Variants in CEMIP observed in about 807,000 individuals in gnomAD.
CEMIP encodes the protein cell migration inducing hyaluronidase 1.
A neutral mutation model predicts 156.9 loss-of-function variants in CEMIP; 105 were observed. The ratio of observed to expected loss-of-function variants is 0.67; its 90% CI spans 0.57 to 0.79. The LOEUF is 0.79. Among genes scored for constraint, CEMIP ranks in the 30% least tolerant of loss-of-function variants. The pLI is 0.00. For synonymous variants in CEMIP, 676 were observed against 668.4 expected, an observed-to-expected ratio of 1.01 and a Z score of -0.17; for missense variants, 1,457 against 1,769.4, an observed-to-expected ratio of 0.82 and a Z score of 3.17.
At chr15:80,909,594 G>A (rs1015721420) in intron 14 of CEMIP, 2 of 513,086 alleles carry the variant, frequency 3.9e-6, no homozygotes, top group Non-Finnish European at 7.6e-6. Context: ...CATGAAATCT[G>A]GAGATCATTC....
chr15:80,812,096 G>A (rs1896686116), intron 1 of CEMIP, among the ~76,000 whole-genome samples: 1 of 151,918 alleles, frequency 6.6e-6, no homozygotes, highest in Non-Finnish European at 1.5e-5. Flanking sequence ...ACACTACAGG[G>A]CTGAACTCCT....
chr15:80,840,205 G>A (rs191259455), intron 1 of CEMIP, among the ~76,000 whole-genome samples: 9 of 152,278 alleles, frequency 5.9e-5, no homozygotes, highest in African/African-American at 1.9e-4. Flanking sequence ...AGTCTTGAAG[G>A]GCAAGTGTGA....
intron 23 of CEMIP, among the ~76,000 whole-genome samples, chr15:80,935,250 T>A (rs1047083032): frequency 6.6e-6 from 1 of 152,166 alleles, no homozygotes; most frequent in South Asian, 2.1e-4. Context: ...AGGACAGTCA[T>A]GTCCTGAATA....
At chr15:80,877,117 G>A (rs1348965458) in intron 3 of CEMIP, among the ~76,000 whole-genome samples, 1 of 152,244 alleles carries the variant, frequency 6.6e-6, no homozygotes, top group East Asian at 1.9e-4. Flanking sequence ...ACCACCATGA[G>A]AACACTATGG....
chr15:80,877,430 G>A (rs1283652709), intron 3 of CEMIP, among the ~76,000 whole-genome samples: 12 of 152,200 alleles, frequency 7.9e-5, no homozygotes, highest in South Asian at 2.1e-4. Flanking sequence ...TTACCTGCAC[G>A]TCACCTTCCC....
intron 29 of CEMIP, chr15:80,948,483 G>T: frequency 2.4e-6 from 1 of 414,108 alleles, no homozygotes; most frequent in Middle Eastern, 7.7e-4. Context: ...CTCAAAGGTA[G>T]GCAGGTTCCT....
intron 24 of CEMIP, among the ~76,000 whole-genome samples, chr15:80,937,335 A>T (rs1433458081): frequency 6.6e-6 from 1 of 152,176 alleles, no homozygotes; most frequent in Non-Finnish European, 1.5e-5. Context: ...ATATATTTAG[A>T]TTCTAGTATT....
At position 80,909,083 on chromosome 15, in the gene CEMIP, T is replaced by C; in HGVS notation, c.1588-14T>C. 1 of 1,613,112 alleles carries C rather than the reference T, an allele frequency of 6.2e-7. No homozygotes were observed. Among genetic ancestry groups the C allele is most frequent in the Non-Finnish European group, 8.5e-7 (1 of 1,179,774 alleles). ...TCTCATGGGCTCCTCTGACTCTCGGTTCTCCTCTCCTAGTTTGCTCTGGGA... is the reference window on the plus strand; with the variant it reads ...TCTCATGGGCTCCTCTGACTCTCGGCTCTCCTCTCCTAGTTTGCTCTGGGA... On this transcript the variant is annotated splice_polypyrimidine_tract_variant and intron_variant, in intron 13 of 29. Transcript: ENST00000394685.
intron 1 of CEMIP, among the ~76,000 whole-genome samples, chr15:80,867,585 C>G (rs1898163948): frequency 6.6e-6 from 1 of 152,216 alleles, no homozygotes; most frequent in Admixed American, 6.5e-5. Context: ...CCTGGGGTCC[C>G]CGCACAGCAG....
intron 28 of CEMIP, among the ~76,000 whole-genome samples, chr15:80,945,704 T>C (rs12916361): frequency 0.054 from 8,293 of 152,284 alleles, 341 homozygotes; most frequent in Non-Finnish European, 0.081. Context: ...ATACAGTTTT[T>C]CCATGTCTGG....
At chr15:80,902,845 T>A (rs1236801037) in intron 12 of CEMIP, among the ~76,000 whole-genome samples, 1 of 152,170 alleles carries the variant, frequency 6.6e-6, no homozygotes, top group Non-Finnish European at 1.5e-5. Flanking sequence ...GCTGCAGGTG[T>A]CATTTCTGTT....
At chr15:80,874,022 G>A (rs148890922) in intron 3 of CEMIP, 49 bp downstream of exon 3, 34 of 1,499,924 alleles carry the variant, frequency 2.3e-5, no homozygotes, top group South Asian at 4.8e-5. Context: ...TGGAAGGCAC[G>A]GCCCCTCACT....
chr15:80,930,110 CTT>C (rs1320309015), intron 21 of CEMIP, among the ~76,000 whole-genome samples: 2 of 152,234 alleles, frequency 1.3e-5, no homozygotes, highest in Admixed American at 1.3e-4. Flanking sequence ...GCTTTCTACT[CTT>C]TCTCTAGGAA....
intron 1 of CEMIP, among the ~76,000 whole-genome samples, chr15:80,829,304 G>T (rs1419223217): frequency 2.0e-5 from 3 of 152,136 alleles, no homozygotes; most frequent in Non-Finnish European, 2.9e-5. Flanking sequence ...TGATACCTGA[G>T]CACCCTCATA....
intron 13 of CEMIP, among the ~76,000 whole-genome samples, chr15:80,908,171 T>C (rs944933540): frequency 1.3e-5 from 2 of 152,174 alleles, no homozygotes; most frequent in African/African-American, 4.8e-5. Context: ...GTTGAGAAAC[T>C]CATTAGTGAT....
At chr15:80,905,066 G>A (rs988893910) in intron 12 of CEMIP, among the ~76,000 whole-genome samples, 2 of 152,196 alleles carry the variant, frequency 1.3e-5, no homozygotes, top group Non-Finnish European at 2.9e-5. Context: ...CAGGGTGAAG[G>A]GGCAGGCAAG....
At chr15:80,900,010 G>A (rs778251757) in intron 12 of CEMIP, among the ~76,000 whole-genome samples, 10 of 152,124 alleles carry the variant, frequency 6.6e-5, no homozygotes, top group Non-Finnish European at 1.5e-4. Flanking sequence ...GCCTGACCGT[G>A]AGCCCTTGCC....
chr15:80,949,343 A>C lies in CEMIP; in HGVS notation c.*419A>C. The stretch of plus-strand genomic sequence containing the variant: ...AGATCCCCATGGTCTTCAGCAGACA[A>C]GTGAGGGTGGTAAATGTAGGAGAAA... On this transcript the variant is annotated 3_prime_UTR_variant, in exon 30 of 30. Coordinates refer to ENST00000394685, the MANE Select transcript of CEMIP (RefSeq NM_001293298.2). 1 of 311,540 alleles carries C rather than the reference A, an allele frequency of 3.2e-6. No homozygotes were observed. The highest frequency in any genetic ancestry group is 6.3e-6 in the Non-Finnish European group (1 of 158,582). The allele number at this position is 311,540 out of a possible 1,614,324, so 19.3% of individuals were successfully genotyped here. A position where few individuals can be genotyped will look rare whatever the true frequency, so the allele number is the denominator to read the frequency against.
chr15:80,860,690 C>T (rs1415084096), intron 1 of CEMIP, among the ~76,000 whole-genome samples: 11 of 152,162 alleles, frequency 7.2e-5, no homozygotes, highest in Admixed American at 7.2e-4. Flanking sequence ...AAGCACTATG[C>T]ATGTCCCTTC....
Sources: allele counts gnomAD v4.1 joint callset (sites outside exome capture counted in the v4.1 genomes callset), GRCh38; gene constraint gnomAD v4.1.1; transcripts MANE v1.5; gene names NCBI Gene and HGNC (gene_info 2026-07-23, HGNC 2026-07-21).